Variants in SPAG16 observed in about 807,000 individuals in gnomAD.
SPAG16 encodes the protein sperm-associated antigen 16 protein.
Under a neutral mutation model 80.4 loss-of-function variants are expected in SPAG16, and 86 were observed. The observed-to-expected ratio is 1.07, with a 90% CI of 0.90 to 1.28. SPAG16 has a LOEUF of 1.28. Ranked by LOEUF, SPAG16 falls within the 50% of genes most tolerant of loss-of-function variation. The probability of loss-of-function intolerance (pLI) is 0.00; values close to 1 mark genes in which losing one functional copy is unlikely to be tolerated. For missense variants in SPAG16, 870 were observed against 765.3 expected (o/e 1.14, Z -1.61); for synonymous variants, 294 against 265.9 (o/e 1.11, Z -1.03).
At chr2:214,085,195 G>A (rs1010096162) in intron 13 of SPAG16, among the ~76,000 whole-genome samples, 12 of 151,966 alleles carry the variant, frequency 7.9e-5, no homozygotes, top group Non-Finnish European at 1.6e-4. Flanking sequence ...AAAGTAGGAC[G>A]AACAAGAGTG....
intron 10 of SPAG16, among the ~76,000 whole-genome samples, chr2:213,586,375 G>A (rs1243413317): frequency 3.3e-5 from 5 of 152,096 alleles, no homozygotes; most frequent in African/African-American, 1.2e-4. Context: ...CTTTTGGCAC[G>A]GTAGAAGGGA....
At chr2:213,524,468 C>A (rs1003889292) in intron 10 of SPAG16, among the ~76,000 whole-genome samples, 1 of 152,132 alleles carries the variant, frequency 6.6e-6, no homozygotes, top group Non-Finnish European at 1.5e-5. Context: ...GGTCCACTGA[C>A]AGTTTTCCCT....
At chr2:213,316,346 C>G (rs2126133150) in intron 4 of SPAG16, among the ~76,000 whole-genome samples, 1 of 152,180 alleles carries the variant, frequency 6.6e-6, no homozygotes, top group East Asian at 1.9e-4. Flanking sequence ...GAAGGTACTT[C>G]TCATAATCTC....
chr2:214,031,368 C>T (rs1284197316), intron 13 of SPAG16, among the ~76,000 whole-genome samples: 1 of 136,386 alleles, frequency 7.3e-6, no homozygotes, highest in African/African-American at 2.8e-5. Flanking sequence ...TGTTCTCACT[C>T]ATAGGTGGGA....
At chr2:213,414,050 T>G (rs1038011028) in intron 9 of SPAG16, among the ~76,000 whole-genome samples, 1 of 152,214 alleles carries the variant, frequency 6.6e-6, no homozygotes, top group Non-Finnish European at 1.5e-5. Context: ...CTTTCCCATT[T>G]CATTTATGTT....
At chr2:213,616,215 G>A (rs2125037027) in intron 10 of SPAG16, among the ~76,000 whole-genome samples, 1 of 152,240 alleles carries the variant, frequency 6.6e-6, no homozygotes, top group Admixed American at 6.5e-5. Context: ...AGATAACAAT[G>A]GAAGATGTGA....
At chr2:213,387,431 CTTTTTTTTTTTTT>C (rs71060428) in intron 9 of SPAG16, among the ~76,000 whole-genome samples, 2 of 47,916 alleles carry the variant, frequency 4.2e-5, no homozygotes, top group Non-Finnish European at 6.5e-5. Flanking sequence ...AATGCATGCT[CTTTTTTTTTTTTT>C]TTTTTTTTTT....
At chr2:214,037,179 G>T (rs1428958334) in intron 13 of SPAG16, among the ~76,000 whole-genome samples, 1 of 151,622 alleles carries the variant, frequency 6.6e-6, no homozygotes, top group East Asian at 1.9e-4. Context: ...ATGTGCCACA[G>T]ATTCTCATAT....
intron 10 of SPAG16, among the ~76,000 whole-genome samples, chr2:213,552,243 G>A (rs537323465): frequency 6.6e-6 from 1 of 152,212 alleles, no homozygotes; most frequent in East Asian, 1.9e-4. Flanking sequence ...CATAAATCAT[G>A]GAAATGAGCA....
intron 14 of SPAG16, among the ~76,000 whole-genome samples, chr2:214,140,281 C>T (rs970078648): frequency 6.6e-6 from 1 of 150,816 alleles, no homozygotes; most frequent in African/African-American, 2.4e-5. Context: ...AGCTTCCAAA[C>T]TTTTTTTTAA....
intron 10 of SPAG16, among the ~76,000 whole-genome samples, chr2:213,800,455 C>T (rs989841938): frequency 2.6e-5 from 4 of 151,736 alleles, no homozygotes; most frequent in African/African-American, 9.7e-5. Flanking sequence ...TAATCTCAAA[C>T]TCCTGGGTTT....
chr2:214,171,711 T>C (rs890414289), intron 15 of SPAG16, among the ~76,000 whole-genome samples: 2 of 151,992 alleles, frequency 1.3e-5, no homozygotes, highest in Non-Finnish European at 1.5e-5. Flanking sequence ...TTCCATAGAA[T>C]TGAATAATTT....
intron 15 of SPAG16, among the ~76,000 whole-genome samples, chr2:214,252,556 T>C (rs1690372467): frequency 6.6e-6 from 1 of 152,116 alleles, no homozygotes; most frequent in Non-Finnish European, 1.5e-5. Context: ...TTTGGTTTTC[T>C]GTTCTTGTGT....
intron 13 of SPAG16, among the ~76,000 whole-genome samples, chr2:214,049,508 G>A (rs975145358): frequency 7.9e-5 from 12 of 152,182 alleles, no homozygotes; most frequent in Middle Eastern, 3.4e-3. Context: ...ATATTTCATT[G>A]TAAATATATT....
intron 15 of SPAG16, among the ~76,000 whole-genome samples, chr2:214,259,260 G>A (rs1447965558): frequency 6.6e-6 from 1 of 151,666 alleles, no homozygotes; most frequent in East Asian, 1.9e-4. Flanking sequence ...TCAAATATCA[G>A]TTCAGTTGTT....
intron 15 of SPAG16, among the ~76,000 whole-genome samples, chr2:214,356,686 T>G (rs754270455): frequency 6.6e-6 from 1 of 152,146 alleles, no homozygotes; most frequent in East Asian, 1.9e-4. Context: ...CCATGTTAAC[T>G]CTTCAGAACC....
chr2:213,610,155 T>C (rs2061396764), intron 10 of SPAG16, among the ~76,000 whole-genome samples: 1 of 152,200 alleles, frequency 6.6e-6, no homozygotes, highest in Non-Finnish European at 1.5e-5. Flanking sequence ...AATATTTTAC[T>C]GTTAAGTATT....
At chr2:213,365,956 A>C (rs983372595) in intron 8 of SPAG16, among the ~76,000 whole-genome samples, 2 of 149,738 alleles carry the variant, frequency 1.3e-5, no homozygotes, top group African/African-American at 4.9e-5. Flanking sequence ...TCCCGGCTAA[A>C]ACGGTGAAAC....
At position 213,733,076 on chromosome 2, in the gene SPAG16, G is replaced by A. The variant is rs61969728; in HGVS notation, c.1071-129409G>A. ...TTTTTACTAATAGCCATTCTGACTG[G>A]TGTGAGATGGTATCTCATTGTGGTT... On this transcript the variant is annotated intron_variant, in intron 10 of 15. Transcript: ENST00000331683. 4.4e-3 allele frequency among the ~76,000 whole-genome samples: 675 copies of A among 152,246 alleles called. 4 individuals carry two copies. The highest frequency in any genetic ancestry group is 0.013 in the African/African-American group (521 of 41,550).
Sources: allele counts gnomAD v4.1 joint callset (sites outside exome capture counted in the v4.1 genomes callset), GRCh38; gene constraint gnomAD v4.1.1; transcripts MANE v1.5; gene names NCBI Gene and HGNC (gene_info 2026-07-23, HGNC 2026-07-21).